Variants in FAM209A observed in about 807,000 individuals in gnomAD.
FAM209A encodes the protein protein FAM209A.
FAM209A carries 4 observed loss-of-function variants against 9.8 expected under a neutral mutation model. The ratio of observed to expected loss-of-function variants is 0.41; its 90% CI spans 0.20 to 0.94. FAM209A has a LOEUF of 0.94. Among genes scored for constraint, FAM209A ranks in the 40% least tolerant of loss-of-function variants. FAM209A has a pLI of 0.32. For missense variants in FAM209A, 205 were observed against 209.4 expected, an observed-to-expected ratio of 0.98 and a Z score of 0.13; for synonymous variants, 55 against 77.8, an observed-to-expected ratio of 0.71 and a Z score of 1.54.
downstream of FAM209A, among the ~76,000 whole-genome samples, chr20:56,528,427 CAAAAAAA>C (rs34236877): frequency 0.013 from 1,058 of 81,826 alleles, 64 homozygotes; most frequent in East Asian, 0.24. Context: ...ACCCTCTCTA[CAAAAAAA>C]AAAAAAAAAA....
At chr20:56,526,520 G>A (rs909319314), downstream of FAM209A, among the ~76,000 whole-genome samples, 1 of 151,920 alleles carries the variant, frequency 6.6e-6, no homozygotes, top group African/African-American at 2.4e-5. Context: ...AATTAGGAGG[G>A]GTGTATTCTA....
At chr20:56,528,816 T>TC (rs1833892975), downstream of FAM209A, among the ~76,000 whole-genome samples, 1 of 152,156 alleles carries the variant, frequency 6.6e-6, no homozygotes, top group South Asian at 2.1e-4. Flanking sequence ...CCTGATGGGT[T>TC]CCCCAATCAG....
chr20:56,533,033 A>G, the FAM209A span: 1 of 431,878 alleles, frequency 2.3e-6, no homozygotes, highest in Non-Finnish European at 3.1e-6. Context: ...AAAAACAGAA[A>G]CATGACGGCC....
chr20:56,527,290 C>A (rs932391714), downstream of FAM209A, among the ~76,000 whole-genome samples: 5 of 151,896 alleles, frequency 3.3e-5, no homozygotes, highest in South Asian at 2.1e-4. Flanking sequence ...CACTTGTGTT[C>A]TGTGAGCAAG....
chr20:56,532,728 C>T, the FAM209A span, among the ~76,000 whole-genome samples: 2 of 151,526 alleles, frequency 1.3e-5, no homozygotes, highest in Admixed American at 6.6e-5. Flanking sequence ...GTAATCTGCC[C>T]GCCTCAGCCT....
At chr20:56,532,480 C>CTTT in the FAM209A span, among the ~76,000 whole-genome samples, 252 of 108,208 alleles carry the variant, frequency 2.3e-3, 3 homozygotes, top group East Asian at 0.012. Flanking sequence ...TTTTCTTTTT[C>CTTT]TTTTTTTTTT....
downstream of FAM209A, among the ~76,000 whole-genome samples, chr20:56,527,223 G>C (rs1399890299): frequency 6.6e-6 from 1 of 151,266 alleles, no homozygotes; most frequent in African/African-American, 2.4e-5. Flanking sequence ...TTTTTTTTTG[G>C]ATTATTTTCT....
At chr20:56,531,974 C>CTTTTTTCTTTTT in the FAM209A span, among the ~76,000 whole-genome samples, 1 of 113,036 alleles carries the variant, frequency 8.8e-6, no homozygotes, top group African/African-American at 3.7e-5. Context: ...CTTTTCTTTT[C>CTTTTTTCTTTTT]TTTTTTTTTT....
chr20:56,525,609 T>C (rs1210411057), intron 1 of FAM209A, among the ~76,000 whole-genome samples, 195 bp from the exon 2 acceptor site: 1 of 152,144 alleles, frequency 6.6e-6, no homozygotes, highest in Non-Finnish European at 1.5e-5. Context: ...CAGCACTTCA[T>C]AATCCTGTGC....
the FAM209A span, among the ~76,000 whole-genome samples, chr20:56,531,729 G>GCA: frequency 2.7e-5 from 4 of 150,702 alleles, no homozygotes; most frequent in Non-Finnish European, 3.0e-5. Context: ...AGGTTCAAAT[G>GCA]ATTCTCCTGC....
chr20:56,529,480 G>C (rs1985669338), downstream of FAM209A, among the ~76,000 whole-genome samples: 1 of 152,016 alleles, frequency 6.6e-6, no homozygotes, highest in African/African-American at 2.4e-5. Flanking sequence ...TTGTGCCATT[G>C]CACTCCAGTG....
In FAM209A at chr20:56,526,060, G is replaced by T. The variant is rs146736088; in HGVS notation, c.506G>T (p.Ser169Ile). ...VTICEIWGEESSS is the reference protein window; with the variant it reads ...VTICEIWGEEISS ...ATCTGTGAAATATGGGGAGAAGAAA[G>T]CTCTAGCTGAATGGATTTGTGTGTC... The change falls in exon 2 of 2, where the codon AGC becomes ATC. Residue 169 changes from serine to isoleucine, a missense_variant. Ser to Ile is a moderately radical substitution (Grantham distance 142). Coordinates refer to ENST00000371328, the MANE Select transcript of FAM209A (RefSeq NM_001012971.4). The T allele has an allele frequency of 1.6e-4, 257 of 1,595,920 alleles. No individual in the cohort carries two copies. The African/African-American group carries it at 3.0e-3, about 19-fold the overall frequency.
chr20:56,526,012 C>G lies in FAM209A; in HGVS notation c.458C>G (p.Pro153Arg). The G allele has an allele frequency of 6.2e-7, 1 of 1,614,148 alleles. No homozygotes were observed. Among genetic ancestry groups the G allele is most frequent in the South Asian group, 1.1e-5 (1 of 91,080 alleles). Residue 153 changes from proline to arginine, a missense_variant, in exon 2 of 2, where the codon CCT (proline) becomes CGT (arginine). Coordinates refer to ENST00000371328, the MANE Select transcript of FAM209A (RefSeq NM_001012971.4). Reference sequence around the variant, plus strand: ...CTCAGGCTTCGAAAGTCAGAGATGCCTGCAGATCCATACCATGTCACGATC... The same window carrying G: ...CTCAGGCTTCGAAAGTCAGAGATGCGTGCAGATCCATACCATGTCACGATC... ...SNLRLRKSEMPADPYHVTICE... is the reference protein window; with the variant it reads ...SNLRLRKSEMRADPYHVTICE...
downstream of FAM209A, among the ~76,000 whole-genome samples, chr20:56,526,335 A>G (rs554151665): frequency 1.8e-4 from 27 of 152,272 alleles, no homozygotes; most frequent in African/African-American, 5.8e-4. Flanking sequence ...CTTCTGTTCA[A>G]TGGCCGCGGG....
chr20:56,526,511 A>G (rs984859500), downstream of FAM209A, among the ~76,000 whole-genome samples: 13 of 152,160 alleles, frequency 8.5e-5, no homozygotes, highest in Admixed American at 3.9e-4. Context: ...AAATGATTCA[A>G]TTAGGAGGGG....
chr20:56,528,684 TC>T (rs1280535131), downstream of FAM209A, among the ~76,000 whole-genome samples: 2 of 152,102 alleles, frequency 1.3e-5, no homozygotes, highest in Non-Finnish European at 2.9e-5. Flanking sequence ...TGTCCTCCTT[TC>T]CCTGCCCAAG....
chr20:56,528,772 C>T (rs148119722), downstream of FAM209A, among the ~76,000 whole-genome samples: 62 of 152,332 alleles, frequency 4.1e-4, no homozygotes, highest in African/African-American at 1.4e-3. Flanking sequence ...GCAAGGAAAG[C>T]TGCACAGAGA....
chr20:56,533,460 A>G, the FAM209A span: 2 of 1,613,000 alleles, frequency 1.2e-6, no homozygotes, highest in Non-Finnish European at 1.7e-6. Flanking sequence ...CCGTGTGGAG[A>G]GCACTTTCGG....
intron 1 of FAM209A, 121 bp from the exon 2 acceptor site, chr20:56,525,683 T>C: frequency 9.9e-7 from 1 of 1,014,436 alleles, no homozygotes; most frequent in Non-Finnish European, 1.5e-6. Context: ...GGTGCGAATA[T>C]CTTCAGCTTT....
Sources: gnomAD v4.1 joint callset for allele counts (sites outside exome capture counted in the v4.1 genomes callset) on GRCh38, gnomAD v4.1.1 for gene constraint, MANE v1.5 for transcripts, NCBI Gene and HGNC (gene_info 2026-07-23, HGNC 2026-07-21) for gene names.